Variants in CCSER1 observed in about 807,000 individuals in gnomAD.
CCSER1 encodes the protein serine-rich coiled-coil domain-containing protein 1.
CCSER1 carries 41 observed loss-of-function variants against 82.0 expected under a neutral mutation model. The ratio of observed to expected loss-of-function variants is 0.50; its 90% CI spans 0.39 to 0.65. The LOEUF (loss-of-function observed/expected upper bound fraction) is 0.65. Among genes scored for constraint, CCSER1 ranks in the 30% least tolerant of loss-of-function variants. CCSER1 has a pLI of 0.00. For missense variants in CCSER1, 1,119 were observed against 1,064.2 expected, an observed-to-expected ratio of 1.05 and a Z score of -0.72; for synonymous variants, 414 against 383.9, an observed-to-expected ratio of 1.08 and a Z score of -0.92.
intron 1 of CCSER1, among the ~76,000 whole-genome samples, chr4:90,176,112 T>C (rs1299830390): frequency 6.6e-6 from 1 of 151,982 alleles, no homozygotes; most frequent in Non-Finnish European, 1.5e-5. Context: ...AACTTTTAAA[T>C]GACAGGTTAA....
At chr4:90,716,785 A>C (rs1046514582) in intron 6 of CCSER1, among the ~76,000 whole-genome samples, 3 of 152,134 alleles carry the variant, frequency 2.0e-5, no homozygotes, top group Non-Finnish European at 4.4e-5. Context: ...GCACAGTGAC[A>C]AAAGCACCTA....
chr4:91,163,743 A>T (rs1362317235), intron 10 of CCSER1, among the ~76,000 whole-genome samples: 2 of 151,018 alleles, frequency 1.3e-5, no homozygotes, highest in Non-Finnish European at 2.9e-5. Context: ...TTCAGAGACT[A>T]GGATTGCAAT....
chr4:90,870,941 TA>T (rs1479774906), intron 8 of CCSER1, among the ~76,000 whole-genome samples: 3 of 150,808 alleles, frequency 2.0e-5, no homozygotes, highest in African/African-American at 7.3e-5. Context: ...CCTCAAAATA[TA>T]TTTATTTTTT....
At chr4:91,361,260 CT>C (rs1468504508) in intron 10 of CCSER1, among the ~76,000 whole-genome samples, 1 of 151,676 alleles carries the variant, frequency 6.6e-6, no homozygotes, top group African/African-American at 2.4e-5. Context: ...ATTTTGGTTC[CT>C]TTTATGGTCC....
intron 4 of CCSER1, among the ~76,000 whole-genome samples, chr4:90,457,797 G>T (rs1482697369): frequency 2.0e-5 from 3 of 152,130 alleles, no homozygotes; most frequent in Non-Finnish European, 4.4e-5. Flanking sequence ...GCCATCCCTA[G>T]CATAAAGGTG....
At chr4:91,464,995 C>T (rs1020696377) in intron 10 of CCSER1, among the ~76,000 whole-genome samples, 2 of 152,124 alleles carry the variant, frequency 1.3e-5, no homozygotes, top group African/African-American at 4.8e-5. Flanking sequence ...CAGCTCTGCA[C>T]CAAGTGGACC....
At chr4:90,365,543 G>T (rs998203674) in intron 3 of CCSER1, among the ~76,000 whole-genome samples, 1 of 151,776 alleles carries the variant, frequency 6.6e-6, no homozygotes, top group African/African-American at 2.4e-5. Flanking sequence ...ATTCATGTGT[G>T]CCTGTCAGTT....
chr4:91,440,684 GT>G (rs1222271253), intron 10 of CCSER1, among the ~76,000 whole-genome samples: 5 of 152,094 alleles, frequency 3.3e-5, no homozygotes, highest in African/African-American at 7.2e-5. Context: ...TCCAGGAGCT[GT>G]TTTTTTGAAA....
intron 10 of CCSER1, among the ~76,000 whole-genome samples, chr4:91,350,940 C>G (rs1225076961): frequency 6.6e-6 from 1 of 151,648 alleles, no homozygotes; most frequent in Non-Finnish European, 1.5e-5. Context: ...GTAAATTAAG[C>G]CCAATAAAAA....
At chr4:90,495,122 A>C (rs906040568) in intron 5 of CCSER1, among the ~76,000 whole-genome samples, 1 of 151,924 alleles carries the variant, frequency 6.6e-6, no homozygotes, top group Non-Finnish European at 1.5e-5. Flanking sequence ...GTTCTTGTCT[A>C]TTTTTTCCCT....
At chr4:91,261,358 C>G (rs1741117810) in intron 10 of CCSER1, among the ~76,000 whole-genome samples, 1 of 152,264 alleles carries the variant, frequency 6.6e-6, no homozygotes, top group Non-Finnish European at 1.5e-5. Flanking sequence ...CTTTTCTCTT[C>G]AGAATAATCT....
chr4:91,572,547 G>C (rs1489345076), intron 10 of CCSER1, among the ~76,000 whole-genome samples: 2 of 152,174 alleles, frequency 1.3e-5, no homozygotes, highest in African/African-American at 4.8e-5. Context: ...TGCTTCCTCT[G>C]AGATTGCTAT....
chr4:90,230,528 C>G (rs1295418706), intron 1 of CCSER1, among the ~76,000 whole-genome samples: 1 of 151,814 alleles, frequency 6.6e-6, no homozygotes, highest in East Asian at 1.9e-4. Flanking sequence ...AGGAAAGATC[C>G]AAAATTGACA....
At chr4:90,943,765 G>A (rs1197294114) in intron 9 of CCSER1, among the ~76,000 whole-genome samples, 2 of 81,962 alleles carry the variant, frequency 2.4e-5, no homozygotes, top group South Asian at 4.3e-4. Context: ...TTTTGGAGAT[G>A]GGGTCTCACT....
At chr4:90,886,197 G>A (rs1278007851) in intron 8 of CCSER1, among the ~76,000 whole-genome samples, 2 of 152,106 alleles carry the variant, frequency 1.3e-5, no homozygotes, top group African/African-American at 2.4e-5. Flanking sequence ...AGCTCTCCTT[G>A]AGAAAATTAT....
intron 10 of CCSER1, among the ~76,000 whole-genome samples, chr4:91,115,579 T>A (rs1223871907): frequency 7.4e-6 from 1 of 134,686 alleles, no homozygotes; most frequent in Non-Finnish European, 1.7e-5. Context: ...CCCGCCTTGG[T>A]CAACTCTTTT....
chr4:91,378,112 T>C (rs1345678529), intron 10 of CCSER1, among the ~76,000 whole-genome samples: 1 of 152,192 alleles, frequency 6.6e-6, no homozygotes, highest in Non-Finnish European at 1.5e-5. Flanking sequence ...GGTCTATATC[T>C]CTGTTGTGGT....
intron 7 of CCSER1, among the ~76,000 whole-genome samples, chr4:90,738,087 A>C (rs1249615127): frequency 6.6e-6 from 1 of 152,160 alleles, no homozygotes; most frequent in African/African-American, 2.4e-5. Context: ...TCTCTTCAGC[A>C]TTGGCCACTG....
intron 10 of CCSER1, among the ~76,000 whole-genome samples, chr4:91,102,486 G>T (rs1381746668): frequency 6.6e-6 from 1 of 152,124 alleles, no homozygotes; most frequent in Non-Finnish European, 1.5e-5. Context: ...TAGCTTTACA[G>T]CGGATTTTAC....
Sources: gnomAD v4.1 joint callset for allele counts (sites outside exome capture counted in the v4.1 genomes callset) on GRCh38, gnomAD v4.1.1 for gene constraint, MANE v1.5 for transcripts, NCBI Gene and HGNC (gene_info 2026-07-23, HGNC 2026-07-21) for gene names.